Variants in PRKG1 observed in about 807,000 individuals in gnomAD.
The protein encoded by PRKG1 is protein kinase cGMP-dependent 1, also known as cGMP-dependent protein kinase 1.
PRKG1 carries 35 observed loss-of-function variants against 88.1 expected under a neutral mutation model. That is an observed-to-expected ratio of 0.40 (90% confidence interval 0.30 to 0.53). The LOEUF is 0.53. Ranked by LOEUF, PRKG1 falls within the 20% of genes least tolerant of loss-of-function variation. The pLI is 0.59. For missense variants in PRKG1, 540 were observed against 839.8 expected (o/e 0.64, Z 4.41); for synonymous variants, 303 against 292.5 (o/e 1.04, Z -0.37).
At chr10:51,546,697 A>G (rs952449806) in intron 3 of PRKG1, among the ~76,000 whole-genome samples, 4 of 152,040 alleles carry the variant, frequency 2.6e-5, no homozygotes, top group African/African-American at 4.8e-5. Context: ...AATAAATTTT[A>G]TATTCTAAAC....
intron 2 of PRKG1, among the ~76,000 whole-genome samples, chr10:51,158,700 G>T (rs1846280034): frequency 1.3e-5 from 2 of 151,604 alleles, no homozygotes; most frequent in South Asian, 2.1e-4. Flanking sequence ...TTAATTCTTG[G>T]TCCACCTCTG....
At chr10:51,506,451 AT>A (rs1457305963) in intron 3 of PRKG1, among the ~76,000 whole-genome samples, 1 of 152,226 alleles carries the variant, frequency 6.6e-6, no homozygotes, top group Non-Finnish European at 1.5e-5. Flanking sequence ...ACTCAAACAG[AT>A]TTACAAGAAG....
At chr10:51,980,467 T>G (rs1325031458) in intron 5 of PRKG1, among the ~76,000 whole-genome samples, 1 of 152,208 alleles carries the variant, frequency 6.6e-6, no homozygotes, top group Admixed American at 6.5e-5. Context: ...TATTTTGGGT[T>G]GGAGAGTTCT....
chr10:51,821,448 T>A (rs1483547168), intron 4 of PRKG1, among the ~76,000 whole-genome samples: 8 of 152,152 alleles, frequency 5.3e-5, no homozygotes, highest in Non-Finnish European at 1.0e-4. Context: ...GTGGTTGAAC[T>A]AATTTATGCT....
intron 2 of PRKG1, among the ~76,000 whole-genome samples, chr10:51,403,852 C>A (rs576609721): frequency 1.3e-4 from 20 of 152,182 alleles, no homozygotes; most frequent in Non-Finnish European, 2.6e-4. Context: ...TGACATATAA[C>A]AATTATAAAA....
Position 51,029,833 on chromosome 10 carries a change from G to A in PRKG1, c.266+38189G>A, listed in dbSNP as rs543733373. 3.9e-5 allele frequency among the ~76,000 whole-genome samples: 6 copies of A among 152,196 alleles called. No individual in the cohort carries two copies. The South Asian group carries it at 1.0e-3, about 26-fold the overall frequency. On this transcript the variant is annotated intron_variant, in intron 1 of 17. Coordinates refer to the PRKG1 transcript ENST00000401604. ...TGTGCTCTGGAGTTAGATTACCTGC[G>A]TCCAAACCAGGGCTCCCCTATTTGC...
chr10:51,185,422 A>G (rs187189990), intron 2 of PRKG1, among the ~76,000 whole-genome samples: 67 of 152,238 alleles, frequency 4.4e-4, no homozygotes, highest in Non-Finnish European at 6.2e-4. Context: ...CTGTATTCAA[A>G]TCCATATGAA....
At chr10:51,699,501 A>T in intron 3 of PRKG1, 1 of 1,613,538 alleles carries the variant, frequency 6.2e-7, no homozygotes, top group Non-Finnish European at 8.5e-7. Flanking sequence ...ACGAACACGG[A>T]ACGCAGTGAT....
At chr10:52,150,183 A>AATAATAATTATTATTATTATTATT (rs1554810290) in intron 8 of PRKG1, among the ~76,000 whole-genome samples, 2 of 147,994 alleles carry the variant, frequency 1.4e-5, no homozygotes, top group African/African-American at 5.0e-5. Context: ...TAATAATAAT[A>AATAATAATTATTATTATTATTATT]ATTTGATTGG....
At chr10:51,910,506 A>T (rs1842193246) in intron 5 of PRKG1, 1 of 152,178 alleles carries the variant, frequency 6.6e-6, no homozygotes, top group Non-Finnish European at 1.5e-5. Flanking sequence ...AAATTTCTTT[A>T]AAAGTAAGTG....
intron 1 of PRKG1, among the ~76,000 whole-genome samples, chr10:51,119,292 A>G (rs1056420660): frequency 2.0e-5 from 3 of 152,186 alleles, no homozygotes; most frequent in East Asian, 3.9e-4. Flanking sequence ...TCTTTGAGTT[A>G]TTGATCTTTG....
At chr10:52,015,461 C>A (rs1222501283) in intron 5 of PRKG1, among the ~76,000 whole-genome samples, 1 of 152,214 alleles carries the variant, frequency 6.6e-6, no homozygotes, top group East Asian at 1.9e-4. Context: ...ACCATTTTTC[C>A]CATCTAGATC....
chr10:51,563,384 G>A (rs958820233), intron 3 of PRKG1, among the ~76,000 whole-genome samples: 2 of 152,020 alleles, frequency 1.3e-5, no homozygotes, highest in Non-Finnish European at 2.9e-5. Flanking sequence ...TGCATTCTGT[G>A]TATGGAAACA....
In PRKG1 at chr10:51,364,518, A is replaced by G. The variant is rs187593582; in HGVS notation, c.479-103205A>G. 1.1e-4 allele frequency among the ~76,000 whole-genome samples: 16 copies of G among 152,046 alleles called. No individual in the cohort carries two copies. The East Asian group carries it at 3.1e-3, about 30-fold the overall frequency. ...ATTGGCAATACATGCTTTTCATCAC[A>G]TCCACTTTCAAGCTGGCTGTGTAAA... On this transcript the variant is annotated intron_variant, in intron 2 of 17. Transcript: ENST00000373980.
At chr10:51,114,441 G>GTGTGTGTT (rs1845058778) in intron 1 of PRKG1, among the ~76,000 whole-genome samples, 1 of 151,862 alleles carries the variant, frequency 6.6e-6, no homozygotes, top group Non-Finnish European at 1.5e-5. Flanking sequence ...GTGACTCTGT[G>GTGTGTGTT]TGTGTGTGTG....
chr10:52,072,374 T>C (rs1427059609), intron 7 of PRKG1, among the ~76,000 whole-genome samples: 1 of 151,968 alleles, frequency 6.6e-6, no homozygotes, highest in Non-Finnish European at 1.5e-5. Flanking sequence ...AAAGATGCTG[T>C]CCTCTCACTT....
At chr10:51,630,177 T>A (rs965114544) in intron 3 of PRKG1, among the ~76,000 whole-genome samples, 2 of 152,206 alleles carry the variant, frequency 1.3e-5, no homozygotes, top group Non-Finnish European at 2.9e-5. Flanking sequence ...CTCTGGCCAC[T>A]GATCCAACTC....
At chr10:51,270,251 G>A (rs191748356) in intron 2 of PRKG1, among the ~76,000 whole-genome samples, 67 of 152,220 alleles carry the variant, frequency 4.4e-4, no homozygotes, top group African/African-American at 1.6e-3. Context: ...GAAATATTTA[G>A]GGTGGCTAAA....
At chr10:51,268,232 A>T (rs531554379) in intron 2 of PRKG1, among the ~76,000 whole-genome samples, 1 of 152,270 alleles carries the variant, frequency 6.6e-6, no homozygotes, top group East Asian at 1.9e-4. Context: ...ACCAGGGCGA[A>T]ATTAAAATTG....
Sources: allele counts gnomAD v4.1 joint callset (sites outside exome capture counted in the v4.1 genomes callset), GRCh38; gene constraint gnomAD v4.1.1; transcripts MANE v1.5; gene names NCBI Gene and HGNC (gene_info 2026-07-23, HGNC 2026-07-21).